FYCO1: variants seen among roughly 807,000 people sequenced by gnomAD.
The protein encoded by FYCO1 is FYVE and coiled-coil domain-containing protein 1.
Under a neutral mutation model 165.1 loss-of-function variants are expected in FYCO1, and 122 were observed. That is an observed-to-expected ratio of 0.74 (90% CI 0.64 to 0.86). The LOEUF (loss-of-function observed/expected upper bound fraction) is 0.86, where lower values mean the gene tolerates loss of function less well. Ranked by LOEUF, FYCO1 falls within the 40% of genes least tolerant of loss-of-function variation. FYCO1 has a pLI of 0.00. For missense variants in FYCO1, 1,702 were observed against 1,810.3 expected, an observed-to-expected ratio of 0.94 and a Z score of 1.09; for synonymous variants, 648 against 742.5, an observed-to-expected ratio of 0.87 and a Z score of 2.07.
At chr3:45,990,443 T>C (rs1707508132) in intron 1 of FYCO1, among the ~76,000 whole-genome samples, 1 of 152,190 alleles carries the variant, frequency 6.6e-6, no homozygotes, top group African/African-American at 2.4e-5. Context: ...CAAGTGAACA[T>C]ACAAGGTACC....
intron 16 of FYCO1, among the ~76,000 whole-genome samples, chr3:45,930,615 G>A (rs569572305): frequency 9.2e-5 from 14 of 152,166 alleles, no homozygotes; most frequent in Non-Finnish European, 1.5e-4. Flanking sequence ...AAGATTTCAA[G>A]CTCGACCACC....
chr3:45,924,446 T>C (rs1366645202), intron 16 of FYCO1, among the ~76,000 whole-genome samples: 1 of 152,172 alleles, frequency 6.6e-6, no homozygotes, highest in African/African-American at 2.4e-5. Context: ...ACAAAATCTG[T>C]GCAAAGGGTG....
intron 2 of FYCO1, among the ~76,000 whole-genome samples, chr3:45,982,142 CAAT>C (rs1426160001): frequency 2.0e-5 from 3 of 152,194 alleles, no homozygotes; most frequent in African/African-American, 7.2e-5. Context: ...ACAATTCCAA[CAAT>C]GACAACCGCA....
chr3:45,936,611 C>G lies in FYCO1; in HGVS notation c.3945-68G>C, dbSNP rs1167157407. 2.6e-6 allele frequency: 3 copies of G among 1,161,886 alleles called. No individual in the cohort carries two copies. The South Asian group carries it at 3.7e-5, about 14-fold the overall frequency. The allele number at this position is 1,161,886 out of a possible 1,614,324, so 72.0% of individuals were successfully genotyped here. On this transcript the variant is annotated intron_variant, in intron 14 of 17. Coordinates refer to ENST00000296137, the MANE Select transcript of FYCO1 (RefSeq NM_024513.4). ...ACACAGGGTCTCACATCCTGGGGTCCGCAGTCTTGGAGTCACAGGCAGCCA... is the reference window on the plus strand; with the variant it reads ...ACACAGGGTCTCACATCCTGGGGTCGGCAGTCTTGGAGTCACAGGCAGCCA...
intron 1 of FYCO1, among the ~76,000 whole-genome samples, chr3:45,992,529 G>A (rs2125883580): frequency 6.6e-6 from 1 of 152,314 alleles, no homozygotes; most frequent in Middle Eastern, 3.4e-3. Context: ...ATCATGCCAT[G>A]GTTGGGTGAG....
Position 45,966,592 on chromosome 3 carries a change from T to C in FYCO1, c.2742A>G (p.Ala914=), listed in dbSNP as rs892508866. Residue 914 remains alanine (A), a synonymous_variant, in exon 8 of 18, where the codon GCA becomes GCG. Coordinates refer to ENST00000296137, the MANE Select transcript of FYCO1 (RefSeq NM_024513.4). ...CCACTCGCTCCTTTTCCACGGTCAG[T>C]GCGCAAACCTGGATGCCCAGCTCAG... ...DTAELGIQVC[A]LTVEKERVEE... The C allele has an allele frequency of 6.2e-7, 1 of 1,614,172 alleles. No individual in the cohort carries two copies. Among genetic ancestry groups the C allele is most frequent in the South Asian group, 1.1e-5 (1 of 91,086 alleles).
intron 2 of FYCO1, among the ~76,000 whole-genome samples, chr3:45,983,382 C>T (rs927228597): frequency 5.3e-5 from 8 of 152,186 alleles, no homozygotes; most frequent in East Asian, 1.9e-4. Context: ...CTTATTAAGA[C>T]GTTTACCAAC....
At chr3:45,959,332 G>C in intron 12 of FYCO1, 61 bp downstream of exon 12, 1 of 1,583,554 alleles carries the variant, frequency 6.3e-7, no homozygotes, top group Admixed American at 1.7e-5. Context: ...TTTTGGAGCT[G>C]TCTGCTCTGG....
At chr3:45,931,575 C>T (rs930787799) in intron 15 of FYCO1, among the ~76,000 whole-genome samples, 3 of 152,216 alleles carry the variant, frequency 2.0e-5, no homozygotes, top group African/African-American at 7.2e-5. Flanking sequence ...AACTAAGGAA[C>T]TGAGGATGGC....
intron 5 of FYCO1, among the ~76,000 whole-genome samples, chr3:45,973,953 C>T: frequency 6.6e-6 from 1 of 151,876 alleles, no homozygotes; most frequent in African/African-American, 2.4e-5. Context: ...CCCAGCTTCT[C>T]AAGAGGCTGA....
At chr3:45,939,341 T>C (rs952473863) in intron 14 of FYCO1, among the ~76,000 whole-genome samples, 2 of 152,142 alleles carry the variant, frequency 1.3e-5, no homozygotes, top group Non-Finnish European at 2.9e-5. Flanking sequence ...GGCTCCACAT[T>C]AGAAGCGAGT....
At chr3:45,938,730 G>A (rs570791752) in intron 14 of FYCO1, among the ~76,000 whole-genome samples, 5 of 152,246 alleles carry the variant, frequency 3.3e-5, no homozygotes, top group Non-Finnish European at 7.3e-5. Flanking sequence ...CTGACCACAT[G>A]ATTGGCCCAC....
chr3:45,940,783 G>A (rs982401479), intron 14 of FYCO1: 1 of 152,000 alleles, frequency 6.6e-6, no homozygotes, highest in African/African-American at 2.4e-5. Flanking sequence ...TCTGCCCCTC[G>A]GCCAAATTCT....
intron 16 of FYCO1, among the ~76,000 whole-genome samples, chr3:45,926,870 A>G (rs1421226016): frequency 6.6e-6 from 1 of 151,996 alleles, no homozygotes; most frequent in Non-Finnish European, 1.5e-5. Flanking sequence ...AGGCTGAGGC[A>G]GGAGAATCGC....
chr3:45,975,336 A>G lies in FYCO1; in HGVS notation c.298T>C (p.Ser100Pro). Residue 100 changes from serine (S) to proline (P), a missense_variant, in exon 5 of 18, where the codon TCC becomes CCC. Ser to Pro is a moderately conservative substitution (Grantham distance 74). Coordinates refer to ENST00000296137, the MANE Select transcript of FYCO1 (RefSeq NM_024513.4). The part of the protein sequence containing the change: ...FVKSISELRT[S>P]LGKGRAFIRY... ...ATAAATGCTCTTCCTTTCCCCAAGGATGTTCGGAGCTGGAAAAAGCAGATT... is the reference window on the plus strand; with the variant it reads ...ATAAATGCTCTTCCTTTCCCCAAGGGTGTTCGGAGCTGGAAAAAGCAGATT... The G allele has an allele frequency of 6.2e-7, 1 of 1,613,886 alleles. No individual in the cohort carries two copies. Among genetic ancestry groups the G allele is most frequent in the Non-Finnish European group, 8.5e-7 (1 of 1,179,778 alleles).
At chr3:45,977,666 A>T (rs1706842808) in intron 4 of FYCO1, among the ~76,000 whole-genome samples, 2 of 152,052 alleles carry the variant, frequency 1.3e-5, no homozygotes, top group Admixed American at 6.5e-5. Context: ...TCATTGTGCC[A>T]AGAGCCCGAT....
intron 16 of FYCO1, among the ~76,000 whole-genome samples, chr3:45,930,504 G>C (rs1703538356): frequency 6.6e-6 from 1 of 152,128 alleles, no homozygotes; most frequent in African/African-American, 2.4e-5. Flanking sequence ...CCCACCCCTA[G>C]AGACTCTAAT....
At chr3:45,932,350 G>A (rs995602366) in intron 15 of FYCO1, among the ~76,000 whole-genome samples, 3 of 152,212 alleles carry the variant, frequency 2.0e-5, no homozygotes, top group African/African-American at 4.8e-5. Flanking sequence ...GGAAGGTGGC[G>A]GCCATCATAG....
chr3:45,980,021 C>T (rs1053904776), intron 3 of FYCO1, among the ~76,000 whole-genome samples, 191 bp from the exon 4 acceptor site: 4 of 152,060 alleles, frequency 2.6e-5, no homozygotes, highest in Non-Finnish European at 5.9e-5. Context: ...GGAAAACCAC[C>T]GAAGGTGTTA....
Sources: gnomAD v4.1 joint callset for allele counts (sites outside exome capture counted in the v4.1 genomes callset) on GRCh38, gnomAD v4.1.1 for gene constraint, MANE v1.5 for transcripts, NCBI Gene and HGNC (gene_info 2026-07-23, HGNC 2026-07-21) for gene names.